PCDHA10: variants seen among roughly 807,000 people sequenced by gnomAD.
The protein encoded by PCDHA10 is protocadherin alpha 10, also known as protocadherin alpha-10.
A neutral mutation model predicts 61.2 loss-of-function variants in PCDHA10; 45 were observed. That is an observed-to-expected ratio of 0.74 (90% CI 0.58 to 0.94). PCDHA10 has a LOEUF of 0.94. Among genes scored for constraint, PCDHA10 ranks in the 40% least tolerant of loss-of-function variants. PCDHA10 has a pLI of 0.00. For missense variants in PCDHA10, 1,278 were observed against 1,236.2 expected (o/e 1.03, Z -0.51); for synonymous variants, 602 against 548.8 (o/e 1.10, Z -1.35).
chr5:140,969,399 AT>A, intron 1 of PCDHA10: 1 of 1,580,514 alleles, frequency 6.3e-7, no homozygotes, highest in Non-Finnish European at 8.6e-7. Context: ...ATATCCTGTG[AT>A]TTGGCTTTAT....
At chr5:141,004,142 G>C (rs1323224367) in intron 3 of PCDHA10, among the ~76,000 whole-genome samples, 1 of 152,214 alleles carries the variant, frequency 6.6e-6, no homozygotes, top group African/African-American at 2.4e-5. Flanking sequence ...TGCCCCAAAG[G>C]CATGACATTT....
At chr5:140,887,532 C>T (rs1161154809) in intron 1 of PCDHA10, among the ~76,000 whole-genome samples, 1 of 152,152 alleles carries the variant, frequency 6.6e-6, no homozygotes, top group African/African-American at 2.4e-5. Flanking sequence ...GAGTCTTCCT[C>T]TCCCCACCCC....
chr5:140,910,411 A>C (rs1554194248), intron 1 of PCDHA10, among the ~76,000 whole-genome samples: 2 of 152,062 alleles, frequency 1.3e-5, no homozygotes, highest in African/African-American at 4.8e-5. Flanking sequence ...CCACCTCGAG[A>C]TCCAATTATT....
At chr5:140,963,517 T>C (rs2095769422) in intron 1 of PCDHA10, among the ~76,000 whole-genome samples, 1 of 152,238 alleles carries the variant, frequency 6.6e-6, no homozygotes, top group East Asian at 1.9e-4. Flanking sequence ...GGGGTTCTCA[T>C]AACAGAAGTC....
intron 1 of PCDHA10, chr5:140,877,716 G>A: frequency 6.2e-7 from 1 of 1,614,116 alleles, no homozygotes; most frequent in Non-Finnish European, 8.5e-7. Context: ...TGGGGAGTTG[G>A]TCTTACTCGC....
intron 1 of PCDHA10, chr5:140,865,989 T>A (rs955714257): frequency 1.3e-5 from 2 of 152,172 alleles, no homozygotes; most frequent in Non-Finnish European, 2.9e-5. Flanking sequence ...TGGCACTAAG[T>A]TTTTTTATGT....
chr5:140,893,519 C>T (rs1199543838), intron 1 of PCDHA10, among the ~76,000 whole-genome samples: 1 of 152,084 alleles, frequency 6.6e-6, no homozygotes, highest in African/African-American at 2.4e-5. Flanking sequence ...AGTTGTAGAA[C>T]TCCTTTAAGT....
chr5:140,901,270 C>T (rs2068553355), intron 1 of PCDHA10, among the ~76,000 whole-genome samples: 2 of 152,246 alleles, frequency 1.3e-5, no homozygotes, highest in South Asian at 4.1e-4. Flanking sequence ...TGGGGTATTA[C>T]TCAAGAAATT....
chr5:140,927,897 T>C (rs907878286), intron 1 of PCDHA10: 1 of 1,614,086 alleles, frequency 6.2e-7, no homozygotes, highest in African/African-American at 1.3e-5. Context: ...ACGTGAACGA[T>C]CATGCCCCCG....
intron 1 of PCDHA10, chr5:140,875,720 T>C (rs1554167893): frequency 1.9e-6 from 3 of 1,614,092 alleles, no homozygotes; most frequent in Non-Finnish European, 1.7e-6. Context: ...CAGAATGGCA[T>C]TTTGTTTGTG....
Position 140,914,039 on chromosome 5 carries a change from G to A in PCDHA10, c.2388+55603G>A, listed in dbSNP as rs147787020. Among the ~76,000 whole-genome samples the A allele has an allele frequency of 2.0e-5, 3 of 152,238 alleles. No individual in the cohort carries two copies. In the East Asian group the frequency reaches 5.8e-4, roughly 29 times the overall value. ...ATGATCCACGTGCTGAGAAGAATGT[G>A]TATTCTGCAGCTGTTGGATGAAATG... is the stretch of plus-strand genomic sequence containing the variant. On this transcript the variant is annotated intron_variant, in intron 1 of 3. Coordinates refer to ENST00000307360, the MANE Select transcript of PCDHA10 (RefSeq NM_018901.4).
chr5:140,885,561 T>G (rs1378492280), intron 1 of PCDHA10, among the ~76,000 whole-genome samples: 2 of 152,192 alleles, frequency 1.3e-5, no homozygotes, highest in African/African-American at 4.8e-5. Context: ...TCTACGAAAT[T>G]GATTGTCAGA....
intron 1 of PCDHA10, chr5:140,927,156 G>A (rs1261418178): frequency 6.2e-7 from 1 of 1,614,016 alleles, no homozygotes; most frequent in African/African-American, 1.3e-5. Flanking sequence ...AGCTGTGCAG[G>A]GCCAAAGCTG....
chr5:140,875,688 G>A (rs1554167865), intron 1 of PCDHA10: 7 of 1,614,004 alleles, frequency 4.3e-6, no homozygotes, highest in Non-Finnish European at 4.2e-6. Context: ...AAAGACACGG[G>A]GACCTTCTGG....
chr5:140,921,345 A>C (rs1411062408), intron 1 of PCDHA10, among the ~76,000 whole-genome samples: 1 of 152,120 alleles, frequency 6.6e-6, no homozygotes, highest in African/African-American at 2.4e-5. Context: ...CACATAATAT[A>C]TTTGCCTATA....
intron 1 of PCDHA10, among the ~76,000 whole-genome samples, chr5:140,908,155 G>T (rs559304647): frequency 2.0e-5 from 3 of 152,194 alleles, no homozygotes; most frequent in African/African-American, 4.8e-5. Flanking sequence ...TCCTAGGAAG[G>T]GGCTGTAGTG....
At chr5:140,947,524 A>G (rs894259499) in intron 1 of PCDHA10, among the ~76,000 whole-genome samples, 1 of 151,796 alleles carries the variant, frequency 6.6e-6, no homozygotes, top group Admixed American at 6.6e-5. Flanking sequence ...TTTAGAATCA[A>G]CTTTTCAATT....
At chr5:140,882,556 T>A (rs367760301) in intron 1 of PCDHA10, 11 of 1,614,194 alleles carry the variant, frequency 6.8e-6, no homozygotes, top group Non-Finnish European at 9.3e-6. Flanking sequence ...AGGAGCTGTG[T>A]GGGCGGAGCG....
At chr5:140,926,512 C>T in intron 1 of PCDHA10, 1 of 197,914 alleles carries the variant, frequency 5.1e-6, no homozygotes. Context: ...GTCTCCCAGG[C>T]TCCGCCCTGC....
Sources: allele counts gnomAD v4.1 joint callset (sites outside exome capture counted in the v4.1 genomes callset), GRCh38; gene constraint gnomAD v4.1.1; transcripts MANE v1.5; gene names NCBI Gene and HGNC (gene_info 2026-07-23, HGNC 2026-07-21).